Variants in B3GALT1 observed in about 807,000 individuals in gnomAD.
B3GALT1 encodes beta-1,3-galactosyltransferase 1, also known as UDP-Gal:betaGlcNAc beta 1,3-galactosyltransferase, polypeptide 1.
In B3GALT1, 10 loss-of-function variants were observed where a neutral mutation model predicts 23.2. That is an observed-to-expected ratio of 0.43 (90% confidence interval 0.27 to 0.73). The LOEUF is 0.73. Ranked by LOEUF, B3GALT1 falls within the 30% of genes least tolerant of loss-of-function variation. B3GALT1 has a pLI of 0.21. For synonymous variants in B3GALT1, 156 were observed against 141.5 expected (o/e 1.10, Z -0.73); for missense variants, 299 against 405.4 (o/e 0.74, Z 2.25).
chr2:167,562,545 T>C (rs1684023336), intron 2 of B3GALT1, among the ~76,000 whole-genome samples: 1 of 152,088 alleles, frequency 6.6e-6, no homozygotes, highest in Non-Finnish European at 1.5e-5. Context: ...CATGATTGTA[T>C]ATCTAGAAAA....
At chr2:167,494,047 C>A (rs1699745051) in intron 2 of B3GALT1, among the ~76,000 whole-genome samples, 1 of 151,958 alleles carries the variant, frequency 6.6e-6, no homozygotes, top group Non-Finnish European at 1.5e-5. Context: ...ATATAGGAAA[C>A]CAAGAGAGTA....
intron 1 of B3GALT1, among the ~76,000 whole-genome samples, chr2:167,446,420 A>G (rs1310625202): frequency 6.6e-6 from 1 of 152,160 alleles, no homozygotes; most frequent in Non-Finnish European, 1.5e-5. Context: ...TGCCTTGCTA[A>G]GTTGGGGAAG....
At chr2:167,824,536 C>A (rs960815017) in intron 4 of B3GALT1, among the ~76,000 whole-genome samples, 3 of 152,114 alleles carry the variant, frequency 2.0e-5, no homozygotes, top group Middle Eastern at 3.2e-3. Context: ...GAGGTGAAAC[C>A]GGGACTTGAC....
At chr2:167,666,881 T>G (rs990693472) in intron 3 of B3GALT1, among the ~76,000 whole-genome samples, 6 of 152,242 alleles carry the variant, frequency 3.9e-5, no homozygotes. Flanking sequence ...TACAGCACAC[T>G]GAAGAGTCTT....
chr2:167,556,774 G>C (rs1223054367), intron 2 of B3GALT1, among the ~76,000 whole-genome samples: 2 of 152,118 alleles, frequency 1.3e-5, no homozygotes, highest in East Asian at 3.8e-4. Flanking sequence ...GAACATTCTA[G>C]GTATGTATGC....
At chr2:167,825,144 G>T (rs944407900) in intron 4 of B3GALT1, among the ~76,000 whole-genome samples, 4 of 151,930 alleles carry the variant, frequency 2.6e-5, no homozygotes, top group African/African-American at 9.7e-5. Flanking sequence ...AATTAGCTGG[G>T]TGTGGTGGCG....
chr2:167,545,571 G>T (rs1683622714), intron 2 of B3GALT1, among the ~76,000 whole-genome samples: 1 of 152,068 alleles, frequency 6.6e-6, no homozygotes, highest in African/African-American at 2.4e-5. Flanking sequence ...AGTCCCTATT[G>T]TCCCAGGAAG....
At chr2:167,653,290 A>G (rs1366239952) in intron 3 of B3GALT1, among the ~76,000 whole-genome samples, 1 of 152,176 alleles carries the variant, frequency 6.6e-6, no homozygotes, top group East Asian at 1.9e-4. Flanking sequence ...ATTGTGGTCA[A>G]TGTGGACATT....
intron 1 of B3GALT1, among the ~76,000 whole-genome samples, chr2:167,480,239 A>G (rs1699543754): frequency 6.6e-6 from 1 of 152,158 alleles, no homozygotes; most frequent in African/African-American, 2.4e-5. Context: ...TAGTCTTACA[A>G]AGGCAGTTTC....
At chr2:167,516,966 ATATATG>A (rs199515448) in intron 2 of B3GALT1, among the ~76,000 whole-genome samples, 46 of 98,230 alleles carry the variant, frequency 4.7e-4, no homozygotes, top group East Asian at 2.3e-3. Flanking sequence ...ATATATATAT[ATATATG>A]ACACTTAAGC....
At chr2:167,361,614 T>C (rs532586584) in intron 1 of B3GALT1, among the ~76,000 whole-genome samples, 18 of 152,330 alleles carry the variant, frequency 1.2e-4, no homozygotes, top group Admixed American at 5.9e-4. Flanking sequence ...AAAAAAATTC[T>C]CTCTGCTTTT....
intron 2 of B3GALT1, among the ~76,000 whole-genome samples, chr2:167,557,231 A>G (rs963152997): frequency 6.6e-6 from 1 of 152,104 alleles, no homozygotes; most frequent in African/African-American, 2.4e-5. Flanking sequence ...ATTTTCATTT[A>G]AATATCTTAT....
intron 4 of B3GALT1, among the ~76,000 whole-genome samples, chr2:167,866,473 A>G (rs979440948): frequency 6.6e-6 from 1 of 152,208 alleles, no homozygotes; most frequent in African/African-American, 2.4e-5. Context: ...CACTCAATAA[A>G]CATTTGATTA....
chr2:167,782,955 T>A (rs1464320890), intron 3 of B3GALT1, among the ~76,000 whole-genome samples: 2 of 152,158 alleles, frequency 1.3e-5, no homozygotes, highest in Non-Finnish European at 2.9e-5. Flanking sequence ...ACTGCATGAT[T>A]TATTGGATCA....
intron 2 of B3GALT1, among the ~76,000 whole-genome samples, chr2:167,597,986 T>G (rs1259694445): frequency 6.6e-6 from 1 of 152,108 alleles, no homozygotes; most frequent in Non-Finnish European, 1.5e-5. Context: ...CTTCACAAAC[T>G]AAAGAAATGG....
At chr2:167,697,009 G>A (rs1686800762) in intron 3 of B3GALT1, among the ~76,000 whole-genome samples, 1 of 152,136 alleles carries the variant, frequency 6.6e-6, no homozygotes, top group Admixed American at 6.6e-5. Flanking sequence ...CACAGTAAGA[G>A]TTTAATAATC....
chr2:167,511,107 G>C (rs1003578149), intron 2 of B3GALT1, among the ~76,000 whole-genome samples: 3 of 152,168 alleles, frequency 2.0e-5, no homozygotes, highest in African/African-American at 7.2e-5. Flanking sequence ...AAGGATGTTT[G>C]TTGTAGTGTT....
chr2:167,321,902 A>G (rs186697524), intron 1 of B3GALT1, among the ~76,000 whole-genome samples: 13 of 152,174 alleles, frequency 8.5e-5, no homozygotes, highest in Admixed American at 8.5e-4. Flanking sequence ...TAAAGAGAAT[A>G]CCAATATTGA....
chr2:167,840,230 G>C (rs1158896702), intron 4 of B3GALT1, among the ~76,000 whole-genome samples: 1 of 151,868 alleles, frequency 6.6e-6, no homozygotes, highest in African/African-American at 2.4e-5. Flanking sequence ...ACTACCATCA[G>C]AGTGAACAGG....
Sources: gnomAD v4.1 joint callset for allele counts (sites outside exome capture counted in the v4.1 genomes callset) on GRCh38, gnomAD v4.1.1 for gene constraint, MANE v1.5 for transcripts, NCBI Gene and HGNC (gene_info 2026-07-23, HGNC 2026-07-21) for gene names.